TSPEAR: variants seen among roughly 807,000 people sequenced by gnomAD.
The protein encoded by TSPEAR is thrombospondin-type laminin G domain and EAR repeat-containing protein.
A neutral mutation model predicts 71.6 loss-of-function variants in TSPEAR; 69 were observed. The observed-to-expected ratio is 0.96, with a 90% CI of 0.79 to 1.18. The LOEUF (loss-of-function observed/expected upper bound fraction) is 1.18, where lower values mean the gene tolerates loss of function less well. Among genes scored for constraint, TSPEAR ranks in the 50% most tolerant of loss-of-function variants. TSPEAR has a pLI of 0.00. For synonymous variants in TSPEAR, 402 were observed against 387.2 expected, an observed-to-expected ratio of 1.04 and a Z score of -0.45; for missense variants, 971 against 894.9, an observed-to-expected ratio of 1.09 and a Z score of -1.09.
At chr21:44,583,637 T>C (rs1412092570) in intron 1 of TSPEAR, among the ~76,000 whole-genome samples, 2 of 152,194 alleles carry the variant, frequency 1.3e-5, no homozygotes, top group African/African-American at 2.4e-5. Flanking sequence ...TCTACTTCTA[T>C]TTTATGAGTA....
intron 1 of TSPEAR, among the ~76,000 whole-genome samples, chr21:44,617,674 G>A (rs143573904): frequency 1.1e-3 from 172 of 152,350 alleles, no homozygotes; most frequent in African/African-American, 3.1e-3. Flanking sequence ...GGGGGCACAC[G>A]TTATTCTTTC....
chr21:44,581,785 T>TA, intron 1 of TSPEAR, among the ~76,000 whole-genome samples: 1 of 152,380 alleles, frequency 6.6e-6, no homozygotes, highest in East Asian at 1.9e-4. Context: ...GTTGAGCATT[T>TA]AAACGTTTTT....
In TSPEAR at chr21:44,533,098, C is replaced by T. The variant is rs141641322; in HGVS notation, c.542+587G>A. ...AGTGCGCTTGGTGTGATCGCCCTTA[C>T]CTTGTTCTAAGCCACTGACTCTGAT... On this transcript the variant is annotated intron_variant, in intron 3 of 11. Coordinates refer to ENST00000323084, the MANE Select transcript of TSPEAR (RefSeq NM_144991.3). Among the ~76,000 whole-genome samples, 363 of 152,350 alleles carry T rather than the reference C, an allele frequency of 2.4e-3. 1 individual carries two copies. The highest frequency in any genetic ancestry group is 8.3e-3 in the African/African-American group (347 of 41,564).
At position 44,533,682 on chromosome 21, in the gene TSPEAR, T is replaced by A. The variant is rs782557107; in HGVS notation, c.542+3A>T. The A allele has an allele frequency of 1.6e-5, 25 of 1,604,446 alleles. No individual in the cohort carries two copies. In the East Asian group the frequency reaches 5.4e-4, roughly 34 times the overall value. ...GGTGCACCCTCCCCGGGTGGGTACC[T>A]ACATGTCCACCGGGAGGCCGCAGTC... On this transcript the variant is annotated splice_donor_region_variant and intron_variant, in intron 3 of 11. Coordinates refer to ENST00000323084, the MANE Select transcript of TSPEAR (RefSeq NM_144991.3).
chr21:44,515,759 A>ACCACGTT (rs2052546662), intron 9 of TSPEAR: 1 of 152,218 alleles, frequency 6.6e-6, no homozygotes, highest in African/African-American at 2.4e-5. Flanking sequence ...TTTTTCGGTA[A>ACCACGTT]CCACGTTCCA....
intron 1 of TSPEAR, chr21:44,601,735 G>A: frequency 6.2e-7 from 1 of 1,609,120 alleles, no homozygotes; most frequent in Non-Finnish European, 8.5e-7. Context: ...CAGCTGCTGA[G>A]TGATCTCCTT....
chr21:44,633,964 C>A (rs1289475250), intron 1 of TSPEAR, among the ~76,000 whole-genome samples: 1 of 151,878 alleles, frequency 6.6e-6, no homozygotes, highest in Non-Finnish European at 1.5e-5. Context: ...TACACAAATG[C>A]TATAAAATGA....
chr21:44,634,218 C>T (rs937576435), intron 1 of TSPEAR, among the ~76,000 whole-genome samples: 5 of 152,134 alleles, frequency 3.3e-5, no homozygotes, highest in Admixed American at 2.6e-4. Flanking sequence ...CACTGCACTC[C>T]AGCCTGGGCA....
chr21:44,635,373 T>C (rs1193250698), intron 1 of TSPEAR, among the ~76,000 whole-genome samples: 2 of 150,240 alleles, frequency 1.3e-5, no homozygotes, highest in South Asian at 4.2e-4. Flanking sequence ...AAAAGAATGT[T>C]TATAGAAGCA....
At chr21:44,514,827 T>C (rs2052507941) in intron 9 of TSPEAR, among the ~76,000 whole-genome samples, 1 of 152,100 alleles carries the variant, frequency 6.6e-6, no homozygotes, top group South Asian at 2.1e-4. Flanking sequence ...GGCGGAAGAA[T>C]GGGACATCAA....
At position 44,711,184 on chromosome 21, in the gene TSPEAR, C is replaced by G. The variant is rs1444947385; in HGVS notation, c.82+249G>C. ...TGGCTGCTGGTTAGCTCTTGAAGCT[C>G]GTCCCCACCCTGCGTGCGTTCTAAA... is the stretch of plus-strand genomic sequence containing the variant. On this transcript the variant is annotated intron_variant, in intron 1 of 11. Transcript: ENST00000323084. The surrounding 1 kb of genome is among the most constrained non-coding windows in gnomAD (Gnocchi z 4.5). Among the ~76,000 whole-genome samples, 1 of 152,172 alleles carries G rather than the reference C, an allele frequency of 6.6e-6. No homozygotes were observed. The highest frequency in any genetic ancestry group is 2.1e-4 in the South Asian group (1 of 4,834).
Position 44,657,963 on chromosome 21 carries a change from C to A in TSPEAR, c.82+53470G>T, listed in dbSNP as rs1985250990. ...TCACCATCCTCCTCCCCAGTACCAGCCCAGCCACACGCCACCATGTGCCAC... is the reference window on the plus strand; with the variant it reads ...TCACCATCCTCCTCCCCAGTACCAGACCAGCCACACGCCACCATGTGCCAC... On this transcript the variant is annotated intron_variant, in intron 1 of 11. Coordinates refer to ENST00000323084, the MANE Select transcript of TSPEAR (RefSeq NM_144991.3). 3.7e-6 allele frequency: 6 copies of A among 1,609,128 alleles called. No homozygotes were observed. In the South Asian group the frequency reaches 6.6e-5, roughly 18 times the overall value.
rs111254216 is a variant in TSPEAR at position 44,688,009 on chromosome 21, C to A, written c.82+23424G>T. Among the ~76,000 whole-genome samples, 632 of 152,122 alleles carry A rather than the reference C, an allele frequency of 4.2e-3. 4 individuals carry two copies. The highest frequency in any genetic ancestry group is 0.014 in the African/African-American group (576 of 41,478). On this transcript the variant is annotated intron_variant, in intron 1 of 11. Transcript: ENST00000323084. ...TGCCAGGTGCAGATCCAGGGCCGGG[C>A]GCGTGGATGCCCACTGTTTAATTTT...
chr21:44,615,890 GAC>G (rs2146183304), intron 1 of TSPEAR, among the ~76,000 whole-genome samples: 1 of 152,318 alleles, frequency 6.6e-6, no homozygotes, highest in Non-Finnish European at 1.5e-5. Context: ...GAGCATTCTG[GAC>G]ACTGCTGGGA....
intron 1 of TSPEAR, among the ~76,000 whole-genome samples, chr21:44,575,537 C>G (rs587660410): frequency 3.3e-5 from 5 of 152,372 alleles, no homozygotes; most frequent in Admixed American, 3.3e-4. Flanking sequence ...GGGAGCCTTG[C>G]AGCCCTTTGG....
intron 2 of TSPEAR, among the ~76,000 whole-genome samples, chr21:44,553,274 GA>G (rs142802720): frequency 0.032 from 4,906 of 152,294 alleles, 255 homozygotes; most frequent in African/African-American, 0.11. Context: ...AACAGTGACA[GA>G]ACCAGGACTA....
intron 1 of TSPEAR, among the ~76,000 whole-genome samples, chr21:44,699,070 C>T (rs999127313): frequency 1.3e-4 from 20 of 152,236 alleles, no homozygotes; most frequent in South Asian, 1.2e-3. Context: ...TCATGGCACG[C>T]GCCTGTGGTA....
At chr21:44,702,630 C>T (rs1987711212) in intron 1 of TSPEAR, 3 of 1,600,470 alleles carry the variant, frequency 1.9e-6, no homozygotes, top group East Asian at 2.2e-5. Flanking sequence ...TCCTCTGCCA[C>T]CCTGTGTGCA....
At chr21:44,643,138 C>G (rs919609407) in intron 1 of TSPEAR, among the ~76,000 whole-genome samples, 7 of 152,206 alleles carry the variant, frequency 4.6e-5, no homozygotes, top group African/African-American at 1.4e-4. Context: ...ACACACTATG[C>G]TAGGTGAAGT....
Sources: gnomAD v4.1 joint callset for allele counts (sites outside exome capture counted in the v4.1 genomes callset) on GRCh38, gnomAD v4.1.1 for gene constraint, Gnocchi (gnomAD v3.1) non-coding constraint, MANE v1.5 for transcripts, NCBI Gene and HGNC (gene_info 2026-07-23, HGNC 2026-07-21) for gene names.